Variants in DIP2A observed in about 807,000 individuals in gnomAD.
DIP2A encodes the protein DIP2 acetate--CoA ligase A.
DIP2A carries 85 observed loss-of-function variants against 177.4 expected under a neutral mutation model. The observed-to-expected ratio is 0.48, with a 90% confidence interval of 0.40 to 0.57. The LOEUF (loss-of-function observed/expected upper bound fraction) is 0.57, where lower values mean the gene tolerates loss of function less well. Ranked by LOEUF, DIP2A falls within the 20% of genes least tolerant of loss-of-function variation. The probability of loss-of-function intolerance (pLI) is 0.00; values close to 1 mark genes in which losing one functional copy is unlikely to be tolerated. For missense variants in DIP2A, 1,791 were observed against 2,100.2 expected, an observed-to-expected ratio of 0.85 and a Z score of 2.88; for synonymous variants, 886 against 881.8, an observed-to-expected ratio of 1.00 and a Z score of -0.08.
At chr21:46,571,383 G>T (rs368603859), downstream of DIP2A, among the ~76,000 whole-genome samples, 1 of 152,156 alleles carries the variant, frequency 6.6e-6, no homozygotes, top group African/African-American at 2.4e-5. Context: ...GAGGCCAGAA[G>T]GTAGTGGGCC....
In DIP2A at chr21:46,557,378, G is replaced by C. The variant is rs543239543; in HGVS notation, c.3630-207G>C. On this transcript the variant is annotated intron_variant, in intron 30 of 37. Transcript: ENST00000417564. This position sits in a 1 kb window ranked among gnomAD's most constrained non-coding sequence, Gnocchi z 6.0. ...TGGTGTCCCCGGATCCTCTCCAAGT[G>C]TTCGGAGCAGAGCTCAGAACCCCGT... 6.8e-5 allele frequency: 46 copies of C among 680,288 alleles called. No homozygotes were observed. The highest frequency in any genetic ancestry group is 9.4e-5 in the Non-Finnish European group (39 of 413,702). The allele number at this position is 680,288 out of a possible 1,614,324, so 42.1% of individuals were successfully genotyped here.
intron 17 of DIP2A, among the ~76,000 whole-genome samples, chr21:46,540,256 C>T (rs532009883): frequency 1.3e-5 from 2 of 152,280 alleles, no homozygotes; most frequent in African/African-American, 4.8e-5. Context: ...CTTGTCATCT[C>T]GTCTGTAGCT....
At chr21:46,511,356 A>G in intron 7 of DIP2A, 61 bp from the exon 8 acceptor site, 1 of 1,487,454 alleles carries the variant, frequency 6.7e-7, no homozygotes, top group Non-Finnish European at 9.1e-7. Context: ...GAATGCTTAA[A>G]AACAGAATGT....
chr21:46,583,828 C>G, the DIP2A span, among the ~76,000 whole-genome samples: 3 of 152,312 alleles, frequency 2.0e-5, no homozygotes, highest in East Asian at 5.8e-4. Flanking sequence ...TTCGATTTCC[C>G]AGCCTCCAGA....
At chr21:46,477,912 T>A (rs903995314) in intron 1 of DIP2A, among the ~76,000 whole-genome samples, 1 of 152,062 alleles carries the variant, frequency 6.6e-6, no homozygotes, top group Non-Finnish European at 1.5e-5. Flanking sequence ...GTAATTCACC[T>A]GGAATTTAAT....
chr21:46,561,984 C>G, intron 34 of DIP2A, 179 bp downstream of exon 34: 1 of 923,438 alleles, frequency 1.1e-6, no homozygotes, highest in Non-Finnish European at 1.3e-6. Flanking sequence ...TATAGAATTA[C>G]TTAGTTATGT....
intron 1 of DIP2A, among the ~76,000 whole-genome samples, chr21:46,484,054 C>T (rs908539410): frequency 6.6e-6 from 1 of 152,158 alleles, no homozygotes; most frequent in Non-Finnish European, 1.5e-5. Flanking sequence ...ACTGGAACAG[C>T]CGTCCTTTTT....
chr21:46,509,529 A>T (rs1311194222), intron 7 of DIP2A, among the ~76,000 whole-genome samples, 153 bp downstream of exon 7: 1 of 152,214 alleles, frequency 6.6e-6, no homozygotes, highest in African/African-American at 2.4e-5. Flanking sequence ...TGAATTTAGA[A>T]TCACATGACT....
intron 1 of DIP2A, among the ~76,000 whole-genome samples, chr21:46,483,821 C>CT (rs2056512950): frequency 6.6e-6 from 1 of 152,204 alleles, no homozygotes; most frequent in Non-Finnish European, 1.5e-5. Flanking sequence ...ACTAAAAACT[C>CT]TACCATGTTC....
chr21:46,566,218 T>A (rs117521527), intron 36 of DIP2A, among the ~76,000 whole-genome samples: 7,817 of 152,226 alleles, frequency 0.051, 286 homozygotes, highest in Non-Finnish European at 0.076. Context: ...TTTAAGGTTG[T>A]GGTCAATGTC....
chr21:46,516,620 A>G (rs910111532), intron 8 of DIP2A, among the ~76,000 whole-genome samples: 4 of 150,578 alleles, frequency 2.7e-5, no homozygotes, highest in African/African-American at 9.8e-5. Flanking sequence ...AGCCTCCTGA[A>G]TAGCTGGGAC....
At chr21:46,471,046 A>G (rs1405331023) in intron 1 of DIP2A, among the ~76,000 whole-genome samples, 1 of 152,082 alleles carries the variant, frequency 6.6e-6, no homozygotes, top group Non-Finnish European at 1.5e-5. Flanking sequence ...CTGCCAGTAC[A>G]TATTTTGTTT....
At chr21:46,525,888 ATTATTATTAT>A (rs1460929978) in intron 8 of DIP2A, among the ~76,000 whole-genome samples, 3 of 137,912 alleles carry the variant, frequency 2.2e-5, no homozygotes, top group Non-Finnish European at 4.6e-5. Context: ...TATTATTATT[ATTATTATTAT>A]TATTATTATT....
chr21:46,567,877 G>A lies in DIP2A; in HGVS notation c.*255G>A, dbSNP rs538158616. On this transcript the variant is annotated 3_prime_UTR_variant, in exon 38 of 38. Transcript: ENST00000417564. ...CAGATGGAGAGACAAGGAAAGGAAA[G>A]GAAAGGCCTGGCATGGGCATTGTGA... 393 of 414,062 alleles carry A rather than the reference G, an allele frequency of 9.5e-4. 5 individuals are homozygous for A. The highest frequency in any genetic ancestry group is 8.3e-5 in the Non-Finnish European group (20 of 239,638). The allele number at this position is 414,062 out of a possible 1,614,324, so 25.6% of individuals were successfully genotyped here.
At position 46,511,551 on chromosome 21, in the gene DIP2A, C is replaced by T; in HGVS notation, c.1039C>T (p.Pro347Ser). The change falls in exon 8 of 38, where the codon CCC (proline) becomes TCC (serine). Residue 347 changes from proline to serine, a missense_variant. Pro to Ser is a moderately conservative substitution (Grantham distance 74, BLOSUM62 -1). Transcript: ENST00000417564. ...ATLQRWGTTQPKSPCLTALDT... is the reference protein window; with the variant it reads ...ATLQRWGTTQSKSPCLTALDT... ...CTTGCAGCGCTGGGGCACAACACAGCCCAAATCCCCCTGTCTGACTGCCTT... is the reference window on the plus strand; with the variant it reads ...CTTGCAGCGCTGGGGCACAACACAGTCCAAATCCCCCTGTCTGACTGCCTT... The T allele has an allele frequency of 6.3e-7, 1 of 1,598,610 alleles. No individual in the cohort carries two copies. The highest frequency in any genetic ancestry group is 1.8e-5 in the Admixed American group (1 of 56,588).
At position 46,498,566 on chromosome 21, in the gene DIP2A, G is replaced by C; in HGVS notation, c.404-16G>C. On this transcript the variant is annotated splice_polypyrimidine_tract_variant and intron_variant, in intron 4 of 37. Coordinates refer to ENST00000417564, the MANE Select transcript of DIP2A (RefSeq NM_015151.4). The surrounding 1 kb of genome is among the most constrained non-coding windows in gnomAD (Gnocchi z 4.3). ...TCATCCCGATATCATGCCTGTCATC[G>C]TTATTTTAACCACAGACACGTCGTC... The C allele has an allele frequency of 6.3e-7, 1 of 1,594,064 alleles. No individual in the cohort carries two copies. Among genetic ancestry groups the C allele is most frequent in the East Asian group, 2.2e-5 (1 of 44,594 alleles).
At chr21:46,561,591 C>G in intron 33 of DIP2A, 157 bp from the exon 34 acceptor site, 1 of 982,538 alleles carries the variant, frequency 1.0e-6, no homozygotes, top group Non-Finnish European at 1.6e-6. Flanking sequence ...GTTGGGGTGT[C>G]CCTGCCATTC....
chr21:46,481,230 C>A (rs985299402), intron 1 of DIP2A, among the ~76,000 whole-genome samples: 1 of 152,098 alleles, frequency 6.6e-6, no homozygotes, highest in East Asian at 1.9e-4. Context: ...TGTAACCTTT[C>A]GAGAATGGCT....
chr21:46,580,581 A>C, the DIP2A span, among the ~76,000 whole-genome samples: 3 of 152,140 alleles, frequency 2.0e-5, no homozygotes, highest in African/African-American at 7.2e-5. Flanking sequence ...ACAGGCTGGT[A>C]ATAGTTTTTC....
Sources: allele counts gnomAD v4.1 joint callset (sites outside exome capture counted in the v4.1 genomes callset), GRCh38; gene constraint gnomAD v4.1.1; non-coding constraint Gnocchi (gnomAD v3.1); transcripts MANE v1.5; gene names NCBI Gene and HGNC (gene_info 2026-07-23, HGNC 2026-07-21).